Variants in ANKS1B observed in about 807,000 individuals in gnomAD.
ANKS1B encodes ankyrin repeat and sterile alpha motif domain containing 1B.
A neutral mutation model predicts 148.3 loss-of-function variants in ANKS1B; 36 were observed. The observed-to-expected ratio is 0.24, with a 90% CI of 0.19 to 0.32. ANKS1B has a LOEUF of 0.32. ANKS1B is among the 10% of genes least tolerant of loss of function. The pLI is 1.00. For missense variants in ANKS1B, 1,157 were observed against 1,542.6 expected, an observed-to-expected ratio of 0.75 and a Z score of 4.19; for synonymous variants, 542 against 560.8, an observed-to-expected ratio of 0.97 and a Z score of 0.47.
intron 12 of ANKS1B, among the ~76,000 whole-genome samples, chr12:99,369,283 C>G (rs1566970244): frequency 6.6e-6 from 1 of 152,066 alleles, no homozygotes; most frequent in Admixed American, 6.6e-5. Flanking sequence ...GACCTAATAT[C>G]CAGGTTATAA....
At chr12:99,313,464 C>A (rs1447110483) in intron 12 of ANKS1B, among the ~76,000 whole-genome samples, 1 of 151,810 alleles carries the variant, frequency 6.6e-6, no homozygotes, top group African/African-American at 2.4e-5. Context: ...GACACAACAA[C>A]AACAAAAAAC....
intron 17 of ANKS1B, among the ~76,000 whole-genome samples, chr12:99,015,042 A>T (rs1045922757): frequency 6.6e-6 from 1 of 152,224 alleles, no homozygotes; most frequent in Non-Finnish European, 1.5e-5. Flanking sequence ...AATATAAATC[A>T]TTCTATTATA....
At chr12:99,352,706 A>G (rs1398844414) in intron 12 of ANKS1B, among the ~76,000 whole-genome samples, 2 of 152,036 alleles carry the variant, frequency 1.3e-5, no homozygotes, top group Admixed American at 6.6e-5. Context: ...CACCATTTAT[A>G]AAAACCTTAG....
chr12:99,857,995 G>C (rs1031367827), intron 1 of ANKS1B, among the ~76,000 whole-genome samples: 2 of 152,054 alleles, frequency 1.3e-5, no homozygotes, highest in African/African-American at 4.8e-5. Flanking sequence ...TCATGACCAA[G>C]AACCCAAAAG....
chr12:99,280,840 ATC>A (rs142595888), intron 12 of ANKS1B, among the ~76,000 whole-genome samples: 2,043 of 142,962 alleles, frequency 0.014, 27 homozygotes, highest in East Asian at 0.067. Context: ...CTTATAATAA[ATC>A]TCTCTCTCTC....
intron 9 of ANKS1B, among the ~76,000 whole-genome samples, chr12:99,521,733 GCTCT>G (rs1204383402): frequency 2.1e-5 from 3 of 145,870 alleles, no homozygotes; most frequent in Non-Finnish European, 4.5e-5. Context: ...TCAATCTCTC[GCTCT>G]CTCTCTCTCT....
intron 17 of ANKS1B, among the ~76,000 whole-genome samples, chr12:98,865,664 G>A (rs1055680869): frequency 6.6e-6 from 1 of 152,122 alleles, no homozygotes; most frequent in South Asian, 2.1e-4. Flanking sequence ...GGGAGGTGGA[G>A]TGTGCAGTGT....
At chr12:98,861,158 C>T (rs1158023654) in intron 17 of ANKS1B, among the ~76,000 whole-genome samples, 1 of 152,138 alleles carries the variant, frequency 6.6e-6, no homozygotes, top group African/African-American at 2.4e-5. Context: ...AGACAGCTTC[C>T]CCTTCGGAGT....
chr12:98,878,228 G>GAA (rs59746677), intron 17 of ANKS1B, among the ~76,000 whole-genome samples: 1 of 133,680 alleles, frequency 7.5e-6, no homozygotes, highest in African/African-American at 2.7e-5. Context: ...TATGAAAGAT[G>GAA]AAAAAAAAAA....
chr12:98,753,818 C>A (rs1343384021), intron 25 of ANKS1B, among the ~76,000 whole-genome samples: 1 of 152,232 alleles, frequency 6.6e-6, no homozygotes, highest in Admixed American at 6.5e-5. Context: ...GCTGATATTG[C>A]AACTAAGCTG....
intron 10 of ANKS1B, among the ~76,000 whole-genome samples, chr12:99,493,853 C>A (rs1363457327): frequency 6.6e-6 from 1 of 152,002 alleles, no homozygotes; most frequent in African/African-American, 2.4e-5. Context: ...AATAGATGGG[C>A]CTGGAGTTAA....
At chr12:99,185,356 T>C (rs565310116) in intron 14 of ANKS1B, among the ~76,000 whole-genome samples, 5 of 152,238 alleles carry the variant, frequency 3.3e-5, no homozygotes, top group Non-Finnish European at 7.3e-5. Context: ...GAGGTGATAA[T>C]CTCTGGAAAG....
intron 9 of ANKS1B, among the ~76,000 whole-genome samples, chr12:99,609,792 T>C (rs1330647646): frequency 6.6e-6 from 1 of 152,064 alleles, no homozygotes; most frequent in Non-Finnish European, 1.5e-5. Context: ...AGGCTAAATT[T>C]ACACAACAGT....
chr12:99,107,472 G>A (rs1174525978), intron 15 of ANKS1B, among the ~76,000 whole-genome samples: 1 of 152,126 alleles, frequency 6.6e-6, no homozygotes, highest in Admixed American at 6.5e-5. Flanking sequence ...ACATCACAAG[G>A]ACTGTCTTTG....
At chr12:99,846,909 T>C (rs1023824427) in intron 1 of ANKS1B, among the ~76,000 whole-genome samples, 1 of 151,986 alleles carries the variant, frequency 6.6e-6, no homozygotes, top group African/African-American at 2.4e-5. Flanking sequence ...TCTCCTCCCC[T>C]CCCATAGGTG....
chr12:99,066,731 G>A (rs1029462299), intron 16 of ANKS1B, among the ~76,000 whole-genome samples: 8 of 152,316 alleles, frequency 5.3e-5, no homozygotes, highest in Non-Finnish European at 1.0e-4. Flanking sequence ...TAAAGTAAAG[G>A]CAGCAAGAAG....
chr12:99,352,376 A>G (rs998755667), intron 12 of ANKS1B, among the ~76,000 whole-genome samples: 5 of 152,060 alleles, frequency 3.3e-5, no homozygotes, highest in African/African-American at 1.2e-4. Context: ...TAAGAATGAC[A>G]GAAACATCAA....
chr12:98,894,024 C>G (rs938236654), intron 17 of ANKS1B, among the ~76,000 whole-genome samples: 1 of 152,242 alleles, frequency 6.6e-6, no homozygotes, highest in East Asian at 1.9e-4. Flanking sequence ...CCGACCTTCA[C>G]CGAAGCAGCA....
At chr12:99,369,877 T>C (rs914472972) in intron 12 of ANKS1B, among the ~76,000 whole-genome samples, 2 of 151,748 alleles carry the variant, frequency 1.3e-5, no homozygotes, top group Non-Finnish European at 2.9e-5. Context: ...GATAGATAGA[T>C]AGATAGATAG....
Sources: gnomAD v4.1 joint callset for allele counts (sites outside exome capture counted in the v4.1 genomes callset) on GRCh38, gnomAD v4.1.1 for gene constraint, MANE v1.5 for transcripts, NCBI Gene and HGNC (gene_info 2026-07-23, HGNC 2026-07-21) for gene names.